PCDHGB1: variants seen among roughly 807,000 people sequenced by gnomAD.
PCDHGB1 encodes the protein protocadherin gamma-B1.
PCDHGB1 carries 34 observed loss-of-function variants against 56.6 expected under a neutral mutation model. The ratio of observed to expected loss-of-function variants is 0.60; its 90% CI spans 0.46 to 0.80. The LOEUF is 0.80. Ranked by LOEUF, PCDHGB1 falls within the 30% of genes least tolerant of loss-of-function variation. The probability of loss-of-function intolerance (pLI) is 0.00; values close to 1 mark genes in which losing one functional copy is unlikely to be tolerated. For synonymous variants in PCDHGB1, 561 were observed against 505.9 expected, an observed-to-expected ratio of 1.11 and a Z score of -1.46; for missense variants, 1,278 against 1,204.6, an observed-to-expected ratio of 1.06 and a Z score of -0.90.
intron 1 of PCDHGB1, chr5:141,428,441 G>C: frequency 2.6e-6 from 1 of 389,280 alleles, no homozygotes; most frequent in Non-Finnish European, 4.9e-6. Context: ...ACTAGACCAG[G>C]GGTTTTTCCC....
intron 1 of PCDHGB1, chr5:141,427,848 C>A: frequency 6.4e-7 from 1 of 1,551,668 alleles, no homozygotes; most frequent in Non-Finnish European, 8.8e-7. Flanking sequence ...CGACCACGAG[C>A]AGCTGTGCGC....
intron 1 of PCDHGB1, chr5:141,360,453 C>T (rs1467888635): frequency 4.3e-6 from 7 of 1,613,864 alleles, no homozygotes; most frequent in Non-Finnish European, 5.9e-6. Context: ...TTCTGGATTT[C>T]GATACTGTCG....
At chr5:141,359,259 T>C (rs1761158931) in intron 1 of PCDHGB1, among the ~76,000 whole-genome samples, 1 of 152,094 alleles carries the variant, frequency 6.6e-6, no homozygotes, top group African/African-American at 2.4e-5. Flanking sequence ...CCATAAAATA[T>C]AATTTGGAAA....
At chr5:141,436,173 A>T (rs556225963) in intron 1 of PCDHGB1, among the ~76,000 whole-genome samples, 1 of 152,302 alleles carries the variant, frequency 6.6e-6, no homozygotes, top group East Asian at 1.9e-4. Context: ...GACAGTTCTC[A>T]TATATAGTCA....
Position 141,383,203 on chromosome 5 carries a change from T to A in PCDHGB1, c.2409+30534T>A, listed in dbSNP as rs755782697. The A allele has an allele frequency of 2.5e-6, 4 of 1,613,936 alleles. No homozygotes were observed. The highest frequency in any genetic ancestry group is 3.3e-5 in the Admixed American group (2 of 60,008). On this transcript the variant is annotated intron_variant, in intron 1 of 3. Coordinates refer to ENST00000523390, the MANE Select transcript of PCDHGB1 (RefSeq NM_018922.3). ...AGAGATCTGCGCTCAGAGTGCGCGGTGTCTGGTAAACTTTAACATCCTGAT... is the reference window on the plus strand; with the variant it reads ...AGAGATCTGCGCTCAGAGTGCGCGGAGTCTGGTAAACTTTAACATCCTGAT...
At chr5:141,481,879 A>G (rs1204365605) in intron 1 of PCDHGB1, among the ~76,000 whole-genome samples, 1 of 144,890 alleles carries the variant, frequency 6.9e-6, no homozygotes, top group Non-Finnish European at 1.5e-5. Context: ...GCGCCACTGC[A>G]CTCCAGCCTG....
intron 1 of PCDHGB1, chr5:141,390,022 T>A (rs1206102918): frequency 2.5e-6 from 4 of 1,613,928 alleles, no homozygotes; most frequent in Non-Finnish European, 3.4e-6. Context: ...GCCTTGCGCC[T>A]GCGACGCTCC....
intron 1 of PCDHGB1, chr5:141,422,654 C>T: frequency 1.2e-6 from 2 of 1,610,030 alleles, no homozygotes; most frequent in Non-Finnish European, 1.7e-6. Flanking sequence ...TTCTCAGTGA[C>T]CGCCCTCGAC....
rs2098293800 is a variant in PCDHGB1 at position 141,442,043 on chromosome 5, A to G, written c.2410-52764A>G. The G allele has an allele frequency of 1.9e-5, 4 of 205,506 alleles. No homozygotes were observed. In the South Asian group the frequency reaches 2.4e-4, roughly 12 times the overall value. The allele number at this position is 205,506 out of a possible 1,614,324, so 12.7% of individuals were successfully genotyped here. A position where few individuals can be genotyped will look rare whatever the true frequency, so the allele number is the denominator to read the frequency against. On this transcript the variant is annotated intron_variant, in intron 1 of 3. Transcript: ENST00000523390. ...ACAGGAAAGCGACTCGCCAGCGCCTACTGGTCGCGGTGCACTGCGGTGGAC... is the reference window on the plus strand; with the variant it reads ...ACAGGAAAGCGACTCGCCAGCGCCTGCTGGTCGCGGTGCACTGCGGTGGAC...
Position 141,412,905 on chromosome 5 carries a change from A to G in PCDHGB1, c.2409+60236A>G, listed in dbSNP as rs145108034. The stretch of plus-strand genomic sequence containing the variant: ...AACAGAATAGTTTACTTTCCATTGC[A>G]TGTATCACTTGGGTGCAGTAACTTC... On this transcript the variant is annotated intron_variant, in intron 1 of 3. Coordinates refer to ENST00000523390, the MANE Select transcript of PCDHGB1 (RefSeq NM_018922.3). 1.3e-3 allele frequency: 513 copies of G among 382,556 alleles called. 6 individuals are homozygous for G. The East Asian group carries it at 0.015, about 11-fold the overall frequency. 23.7% of individuals were successfully genotyped at this position (382,556 alleles called of 1,614,324 possible).
chr5:141,413,953 C>A, intron 1 of PCDHGB1: 1 of 1,613,310 alleles, frequency 6.2e-7, no homozygotes, highest in Non-Finnish European at 8.5e-7. Context: ...TGAGAATTTG[C>A]CTGTGGGCAC....
Position 141,476,201 on chromosome 5 carries a change from G to C in PCDHGB1, c.2410-18606G>C. ...GCTTCTGCTTGGTGCCTTGAACAAG[G>C]CTTCCACGGTCATTCACTATGAGAT... is the stretch of plus-strand genomic sequence containing the variant. On this transcript the variant is annotated intron_variant, in intron 1 of 3. Coordinates refer to ENST00000523390, the MANE Select transcript of PCDHGB1 (RefSeq NM_018922.3). This position sits in a 1 kb window ranked among gnomAD's most constrained non-coding sequence, Gnocchi z 7.6. 6.2e-7 allele frequency: 1 copy of C among 1,613,986 alleles called. No individual in the cohort carries two copies. The highest frequency in any genetic ancestry group is 8.5e-7 in the Non-Finnish European group (1 of 1,180,028).
At chr5:141,427,378 C>T in intron 1 of PCDHGB1, 1 of 458,520 alleles carries the variant, frequency 2.2e-6, no homozygotes, top group Non-Finnish European at 4.4e-6. Context: ...ACGGTGATCA[C>T]TCTGTTCAAA....
chr5:141,365,058 C>A lies in PCDHGB1; in HGVS notation c.2409+12389C>A, dbSNP rs769039827. On this transcript the variant is annotated intron_variant, in intron 1 of 3. Coordinates refer to ENST00000523390, the MANE Select transcript of PCDHGB1 (RefSeq NM_018922.3). Reference sequence around the variant, plus strand: ...GCAAACGACAATGCGCCCCTGTTCACCCCATCCGAGTACAGCGTGAGTGTT... The same window carrying A: ...GCAAACGACAATGCGCCCCTGTTCAACCCATCCGAGTACAGCGTGAGTGTT... The A allele has an allele frequency of 1.1e-5, 17 of 1,613,776 alleles. No homozygotes were observed. Among genetic ancestry groups the A allele is most frequent in the Non-Finnish European group, 1.4e-5 (17 of 1,179,912 alleles).
chr5:141,363,996 G>A (rs1467481221), intron 1 of PCDHGB1, among the ~76,000 whole-genome samples: 3 of 152,124 alleles, frequency 2.0e-5, no homozygotes, highest in Admixed American at 1.3e-4. Context: ...CTGAATTAAC[G>A]GTCATAAACA....
chr5:141,357,697 T>A, intron 1 of PCDHGB1: 6 of 1,523,702 alleles, frequency 3.9e-6, no homozygotes, highest in African/African-American at 1.4e-5. Flanking sequence ...TCATTTTATA[T>A]GTAATATATC....
chr5:141,464,980 GATCCT>G (rs2154568684), intron 1 of PCDHGB1, among the ~76,000 whole-genome samples: 1 of 151,990 alleles, frequency 6.6e-6, no homozygotes, highest in East Asian at 1.9e-4. Flanking sequence ...GGCTTCAAGT[GATCCT>G]CCCACCTCAG....
intron 1 of PCDHGB1, chr5:141,394,839 G>A (rs1190397731): frequency 6.2e-7 from 1 of 1,613,834 alleles, no homozygotes; most frequent in Non-Finnish European, 8.5e-7. Context: ...GACCGAGTTG[G>A]GCAGTCTGAA....
intron 1 of PCDHGB1, among the ~76,000 whole-genome samples, chr5:141,467,211 C>G (rs1288732759): frequency 6.6e-6 from 1 of 152,068 alleles, no homozygotes; most frequent in Non-Finnish European, 1.5e-5. Context: ...TGCCACCATG[C>G]CTGGCTAATT....
Sources: allele counts gnomAD v4.1 joint callset (sites outside exome capture counted in the v4.1 genomes callset), GRCh38; gene constraint gnomAD v4.1.1; non-coding constraint Gnocchi (gnomAD v3.1); transcripts MANE v1.5; gene names NCBI Gene and HGNC (gene_info 2026-07-23, HGNC 2026-07-21).